The following PNPT1 variants were observed in gnomAD, a reference collection of about 807,000 sequenced individuals.
PNPT1 encodes polyribonucleotide nucleotidyltransferase 1.
In PNPT1, 53 loss-of-function variants were observed where a neutral mutation model predicts 119.5. The observed-to-expected ratio is 0.44, with a 90% CI of 0.36 to 0.56. PNPT1 has a LOEUF of 0.56. PNPT1 is among the 20% of genes least tolerant of loss of function. The probability of loss-of-function intolerance (pLI) is 0.00; values close to 1 mark genes in which losing one functional copy is unlikely to be tolerated. For missense variants in PNPT1, 948 were observed against 938.5 expected (o/e 1.01, Z -0.13); for synonymous variants, 357 against 322.1 (o/e 1.11, Z -1.16).
chr2:55,683,770 TA>T lies in PNPT1; in HGVS notation c.453+14del, dbSNP rs745641992. On this transcript the variant is annotated intron_variant, in intron 5 of 27. Transcript: ENST00000447944. The stretch of plus-strand genomic sequence containing the variant: ...TGATTGATCTGGCAACTAAAAAACC[TA>T]AAGCAGAATCTACCTGTGTATCATA... The T allele has an allele frequency of 6.2e-7, 1 of 1,606,148 alleles. No individual in the cohort carries two copies. Among genetic ancestry groups the T allele is most frequent in the East Asian group, 2.2e-5 (1 of 44,802 alleles).
rs1356889836 is a variant in PNPT1, at chr2:55,636,225, T to A, written c.*12A>T. On this transcript the variant is annotated 3_prime_UTR_variant, in exon 28 of 28. Coordinates refer to ENST00000447944, the MANE Select transcript of PNPT1 (RefSeq NM_033109.5). The stretch of plus-strand genomic sequence containing the variant: ...CAAAATAGAATTCTAGAATTCTCTT[T>A]AAAAAAAAAAATCACTGAGAATTAG... The A allele has an allele frequency of 8.6e-5, 117 of 1,363,378 alleles. No homozygotes were observed. Among genetic ancestry groups the A allele is most frequent in the Middle Eastern group, 5.9e-4 (3 of 5,104 alleles). The allele number at this position is 1,363,378 out of a possible 1,614,324, so 84.5% of individuals were successfully genotyped here. A position where few individuals can be genotyped will look rare whatever the true frequency, so the allele number is the denominator to read the frequency against.
intron 3 of PNPT1, among the ~76,000 whole-genome samples, 176 bp downstream of exon 3, chr2:55,686,194 G>C (rs1398854472): frequency 6.6e-6 from 1 of 152,156 alleles, no homozygotes; most frequent in South Asian, 2.1e-4. Flanking sequence ...CTTAATCCTA[G>C]TATTTGTTTA....
Position 55,693,668 on chromosome 2 carries a change from G to A in PNPT1, c.156C>T (p.Gly52=). The change falls in exon 1 of 28, where the codon GGC becomes GGT. Residue 52 remains glycine (G), a synonymous_variant. Transcript: ENST00000447944. ...GAACGCACGTCACTCCTTACCTGTT[G>A]CCTAAGTCCACGGCCACAGCTCGAG... ...AGSRAVAVDL[G]NRKLEISSGK... The A allele has an allele frequency of 1.2e-6, 2 of 1,614,200 alleles. No individual in the cohort carries two copies. Among genetic ancestry groups the A allele is most frequent in the South Asian group, 2.2e-5 (2 of 91,080 alleles).
chr2:55,673,020 C>A lies in PNPT1; in HGVS notation c.739G>T (p.Val247Leu), dbSNP rs574988767. 207 of 1,612,676 alleles carry A rather than the reference C, an allele frequency of 1.3e-4. 3 individuals carry two copies. In the South Asian group the frequency reaches 2.2e-3, roughly 17 times the overall value. ...LQQDFCHAIK[V>L]GVKYTQQIIQ... ...ATTTGTTGGGTATATTTCACTCCCA[C>A]TTTGATAGCATGGCAAAAGTCCTGC... is the stretch of plus-strand genomic sequence containing the variant. The change falls in exon 9 of 28, where the codon GTG (valine) becomes TTG (leucine). Residue 247 changes from valine to leucine, a missense_variant. Coordinates refer to ENST00000447944, the MANE Select transcript of PNPT1 (RefSeq NM_033109.5).
At chr2:55,651,106 C>T (rs1341276455) in intron 18 of PNPT1, among the ~76,000 whole-genome samples, 7 of 148,332 alleles carry the variant, frequency 4.7e-5, no homozygotes, top group Non-Finnish European at 7.5e-5. Flanking sequence ...CCAGCCGCCC[C>T]GTCCGGGAGG....
At chr2:55,680,988 G>C (rs941919975) in intron 5 of PNPT1, 70 bp from the exon 6 acceptor site, 4 of 1,275,192 alleles carry the variant, frequency 3.1e-6, no homozygotes, top group Non-Finnish European at 4.5e-6. Flanking sequence ...TAAAATACAA[G>C]AGCACTATAT....
rs1226511131 is a variant in PNPT1, at chr2:55,681,277, G to A, written c.454-359C>T. ...CAAAAATTAGCCGGGTGTAGTGGCC[G>A]GTGCCTGTAGTCCCAACTAATCAGG... is the stretch of plus-strand genomic sequence containing the variant. On this transcript the variant is annotated intron_variant, in intron 5 of 27. Coordinates refer to ENST00000447944, the MANE Select transcript of PNPT1 (RefSeq NM_033109.5). Among the ~76,000 whole-genome samples, 4 of 152,020 alleles carry A rather than the reference G, an allele frequency of 2.6e-5. No homozygotes were observed. The South Asian group carries it at 6.2e-4, about 24-fold the overall frequency.
intron 26 of PNPT1, among the ~76,000 whole-genome samples, chr2:55,638,941 A>T (rs371803078): frequency 6.6e-6 from 1 of 151,672 alleles, no homozygotes; most frequent in African/African-American, 2.4e-5. Context: ...TGCCCAGCTA[A>T]TTTTTTCTAT....
In PNPT1 at chr2:55,656,886, T is replaced by C. The variant is rs530605770; in HGVS notation, c.1285-515A>G. Among the ~76,000 whole-genome samples the C allele has an allele frequency of 7.2e-5, 11 of 152,328 alleles. No homozygotes were observed. In the South Asian group the frequency reaches 1.4e-3, roughly 20 times the overall value. Reference sequence around the variant, plus strand: ...GAAGTATTTCTCAAGCAAAACACAATGACAAAAATGTATGGAGGAAACAGC... The same window carrying C: ...GAAGTATTTCTCAAGCAAAACACAACGACAAAAATGTATGGAGGAAACAGC... On this transcript the variant is annotated intron_variant, in intron 15 of 27. Coordinates refer to ENST00000447944, the MANE Select transcript of PNPT1 (RefSeq NM_033109.5).
At chr2:55,690,370 G>C (rs1697557031) in intron 1 of PNPT1, among the ~76,000 whole-genome samples, 1 of 151,970 alleles carries the variant, frequency 6.6e-6, no homozygotes, top group East Asian at 1.9e-4. Flanking sequence ...AAGATGTTGT[G>C]TCACATGAAC....
chr2:55,662,537 T>C (rs1460480199), intron 13 of PNPT1, among the ~76,000 whole-genome samples: 3 of 152,076 alleles, frequency 2.0e-5, no homozygotes, highest in Non-Finnish European at 4.4e-5. Flanking sequence ...TAGCTGGGCA[T>C]GGTGGCATGT....
chr2:55,692,026 C>A (rs1031800083), intron 1 of PNPT1, among the ~76,000 whole-genome samples: 1 of 151,414 alleles, frequency 6.6e-6, no homozygotes, highest in South Asian at 2.1e-4. Context: ...AATGGAATTA[C>A]AGGTGCTTGC....
At chr2:55,639,573 A>G (rs1695778758) in intron 26 of PNPT1, among the ~76,000 whole-genome samples, 1 of 152,206 alleles carries the variant, frequency 6.6e-6, no homozygotes, top group Non-Finnish European at 1.5e-5. Context: ...GCTTTTTATA[A>G]AAATAATTTG....
At chr2:55,683,977 A>G (rs1697323368) in intron 4 of PNPT1, 143 bp from the exon 5 acceptor site, 1 of 688,944 alleles carries the variant, frequency 1.5e-6, no homozygotes, top group East Asian at 2.7e-5. Flanking sequence ...GACACAGATA[A>G]ATGTCAGTGC....
chr2:55,688,304 T>C (rs561212027), intron 1 of PNPT1, among the ~76,000 whole-genome samples: 1 of 152,232 alleles, frequency 6.6e-6, no homozygotes, highest in South Asian at 2.1e-4. Context: ...CCTCCCAAAG[T>C]GCTGGGATTA....
At chr2:55,640,756 T>C in intron 25 of PNPT1, 51 bp from the exon 26 acceptor site, 2 of 1,172,960 alleles carry the variant, frequency 1.7e-6, no homozygotes, top group Non-Finnish European at 2.5e-6. Context: ...TATCTGTATA[T>C]CCATTGACAA....
chr2:55,676,208 G>A (rs953895681), intron 8 of PNPT1, among the ~76,000 whole-genome samples: 4 of 138,454 alleles, frequency 2.9e-5, no homozygotes, highest in Non-Finnish European at 3.0e-5. Context: ...GCAGTGAGCC[G>A]AGATTGCGCC....
chr2:55,659,544 G>A (rs999671625), intron 15 of PNPT1, among the ~76,000 whole-genome samples: 4 of 151,324 alleles, frequency 2.6e-5, no homozygotes, highest in Admixed American at 6.6e-5. Flanking sequence ...AACCTAAAAC[G>A]ATATTGTCTG....
At chr2:55,680,425 TAAAAA>T (rs35483599) in intron 7 of PNPT1, among the ~76,000 whole-genome samples, 2 of 132,224 alleles carry the variant, frequency 1.5e-5, no homozygotes. Flanking sequence ...ATTTCCCAGT[TAAAAA>T]AAAAAAAAAA....
Sources: gnomAD v4.1 joint callset for allele counts (sites outside exome capture counted in the v4.1 genomes callset) on GRCh38, gnomAD v4.1.1 for gene constraint, MANE v1.5 for transcripts, NCBI Gene and HGNC (gene_info 2026-07-23, HGNC 2026-07-21) for gene names.